TJP1: variants seen among roughly 807,000 people sequenced by gnomAD.
TJP1 encodes tight junction protein 1.
In TJP1, 43 loss-of-function variants were observed where a neutral mutation model predicts 194.2. That is an observed-to-expected ratio of 0.22 (90% CI 0.17 to 0.29). The LOEUF is 0.29. Among genes scored for constraint, TJP1 ranks in the 10% least tolerant of loss-of-function variants. The pLI is 1.00. For synonymous variants in TJP1, 801 were observed against 779.0 expected (o/e 1.03, Z -0.47); for missense variants, 1,971 against 2,185.7 (o/e 0.90, Z 1.96).
At chr15:29,949,456 C>CTCCACT (rs2055477110) in intron 2 of TJP1, among the ~76,000 whole-genome samples, 1 of 135,278 alleles carries the variant, frequency 7.4e-6, no homozygotes, top group Non-Finnish European at 1.6e-5. Flanking sequence ...CCTTCACCAC[C>CTCCACT]ACTTCCACCA....
chr15:29,939,253 C>T (rs781233379), intron 2 of TJP1, among the ~76,000 whole-genome samples: 5 of 152,180 alleles, frequency 3.3e-5, no homozygotes, highest in Non-Finnish European at 7.4e-5. Context: ...GGTAATGCTT[C>T]ATGACATACG....
At chr15:29,732,907 G>T in intron 13 of TJP1, 92 bp from the exon 14 acceptor site, 1 of 1,309,414 alleles carries the variant, frequency 7.6e-7, no homozygotes. Context: ...ATACTGGATG[G>T]AAGTTCACAT....
chr15:29,762,222 C>A, intron 6 of TJP1, 113 bp downstream of exon 6: 1 of 796,498 alleles, frequency 1.3e-6, no homozygotes, highest in Non-Finnish European at 2.0e-6. Context: ...CCCCCAAACA[C>A]TGATTTTTAA....
chr15:29,893,374 T>C (rs1346237716), intron 2 of TJP1, among the ~76,000 whole-genome samples: 1 of 152,210 alleles, frequency 6.6e-6, no homozygotes, highest in Non-Finnish European at 1.5e-5. Flanking sequence ...ACTTAGCTGA[T>C]AAAGCAGTGA....
intron 23 of TJP1, 30 bp from the exon 24 acceptor site, chr15:29,711,030 C>G: frequency 6.5e-7 from 1 of 1,541,408 alleles, no homozygotes; most frequent in East Asian, 2.3e-5. Context: ...ATGCCAACAC[C>G]TGAAAATGGA....
chr15:29,737,222 C>A (rs1440081271), intron 11 of TJP1, 42 bp downstream of exon 11: 3 of 1,600,524 alleles, frequency 1.9e-6, no homozygotes, highest in Non-Finnish European at 1.7e-6. Flanking sequence ...TTCTGGTGAT[C>A]CAAATACTTT....
Position 29,822,416 on chromosome 15 carries a change from C to T in TJP1, c.-388G>A. On this transcript the variant is annotated 5_prime_UTR_variant, in exon 1 of 28. Transcript: ENST00000614355. ...GTAACTTCCCGGGAACCGGCGGCCG[C>T]CAAGGAACGCGGCGTCCGCTGGCTC... is the stretch of plus-strand genomic sequence containing the variant. The T allele has an allele frequency of 1.0e-6, 1 of 993,040 alleles. No homozygotes were observed. Among genetic ancestry groups the T allele is most frequent in the Non-Finnish European group, 1.2e-6 (1 of 834,992 alleles). The allele number at this position is 993,040 out of a possible 1,614,324, so 61.5% of individuals were successfully genotyped here.
intron 2 of TJP1, among the ~76,000 whole-genome samples, chr15:29,935,007 A>G (rs2054837745): frequency 6.6e-6 from 1 of 152,252 alleles, no homozygotes; most frequent in South Asian, 2.1e-4. Flanking sequence ...GAAACTGAGA[A>G]TTATCTCTCT....
At chr15:29,759,236 T>C (rs1323589889) in intron 8 of TJP1, 6 of 152,236 alleles carry the variant, frequency 3.9e-5, no homozygotes, top group Admixed American at 2.0e-4. Flanking sequence ...GTGACTTCTA[T>C]GGCTTCAGCT....
rs1472760851 is a variant in TJP1, at chr15:29,811,445, T to TG, written c.27+10556dup. 3.4e-4 allele frequency among the ~76,000 whole-genome samples: 5 copies of TG among 14,630 alleles called. No individual in the cohort carries two copies. In the East Asian group the frequency reaches 4.7e-3, roughly 14 times the overall value. The allele number at this position is 14,630 out of a possible 152,430, so 9.6% of individuals were successfully genotyped here. On this transcript the variant is annotated intron_variant, in intron 1 of 27. Coordinates refer to ENST00000614355, the MANE Select transcript of TJP1 (RefSeq NM_001330239.4). ...TACTTGGGTGGGGGTGGGGGGGTGG[T>TG]GGGAGGGAGAATGTAAATGGTTGAA...
At chr15:29,828,093 A>G (rs1245818896) in intron 2 of TJP1, among the ~76,000 whole-genome samples, 1 of 152,220 alleles carries the variant, frequency 6.6e-6, no homozygotes, top group East Asian at 1.9e-4. Context: ...ACCATGATCT[A>G]AGCCTAACTA....
chr15:29,934,354 A>C (rs1207923290), intron 2 of TJP1, among the ~76,000 whole-genome samples: 1 of 152,218 alleles, frequency 6.6e-6, no homozygotes, highest in Non-Finnish European at 1.5e-5. Flanking sequence ...GAGCAAAACA[A>C]TTCACGGTGA....
downstream of TJP1, chr15:29,700,147 A>G (rs2041452877): frequency 5.0e-6 from 2 of 397,792 alleles, no homozygotes; most frequent in Admixed American, 8.8e-5. Flanking sequence ...AGACCAAGCC[A>G]GCACTTTATT....
intron 2 of TJP1, among the ~76,000 whole-genome samples, chr15:29,844,942 T>C (rs946299565): frequency 6.6e-6 from 1 of 152,056 alleles, no homozygotes; most frequent in Admixed American, 6.6e-5. Context: ...TTGGGAGAAG[T>C]GGCAATGGTG....
intron 2 of TJP1, among the ~76,000 whole-genome samples, chr15:29,841,728 CCCT>C (rs760677001): frequency 1.3e-5 from 2 of 152,114 alleles, no homozygotes; most frequent in African/African-American, 2.4e-5. Flanking sequence ...TCCCTCCCTC[CCCT>C]CCTTTTTCCT....
intron 2 of TJP1, among the ~76,000 whole-genome samples, chr15:29,917,152 G>C (rs1466588351): frequency 6.6e-6 from 1 of 152,272 alleles, no homozygotes; most frequent in East Asian, 1.9e-4. Context: ...AAAAGGATAC[G>C]ACCTTGAAGG....
intron 2 of TJP1, among the ~76,000 whole-genome samples, chr15:29,943,393 G>A (rs999624803): frequency 3.3e-5 from 5 of 152,208 alleles, no homozygotes; most frequent in African/African-American, 1.2e-4. Flanking sequence ...ACTTTGGGAG[G>A]CCGAGGCGGG....
chr15:29,703,934 C>T (rs1008322944), intron 27 of TJP1, among the ~76,000 whole-genome samples: 2 of 152,172 alleles, frequency 1.3e-5, no homozygotes, highest in Admixed American at 6.5e-5. Context: ...TGAGCCACGG[C>T]GCCCGGCCCA....
chr15:29,714,187 A>G (rs2042408412), intron 23 of TJP1, among the ~76,000 whole-genome samples: 1 of 152,140 alleles, frequency 6.6e-6, no homozygotes, highest in Non-Finnish European at 1.5e-5. Context: ...CAGAAAGCAA[A>G]CATGCATTTT....
Sources: gnomAD v4.1 joint callset for allele counts (sites outside exome capture counted in the v4.1 genomes callset) on GRCh38, gnomAD v4.1.1 for gene constraint, MANE v1.5 for transcripts, NCBI Gene and HGNC (gene_info 2026-07-23, HGNC 2026-07-21) for gene names.